ZNF793: variants seen among roughly 807,000 people sequenced by gnomAD.
ZNF793 encodes the protein zinc finger protein 793.
Under a neutral mutation model 12.4 loss-of-function variants are expected in ZNF793, and 5 were observed. The ratio of observed to expected loss-of-function variants is 0.40; its 90% CI spans 0.21 to 0.84. The LOEUF is 0.84. Ranked by LOEUF, ZNF793 falls within the 40% of genes least tolerant of loss-of-function variation. The pLI is 0.35. For synonymous variants in ZNF793, 162 were observed against 172.4 expected (o/e 0.94, Z 0.47); for missense variants, 456 against 495.0 (o/e 0.92, Z 0.75).
chr19:37,532,667 A>G (rs913040410), intron 6 of ZNF793, among the ~76,000 whole-genome samples, 185 bp downstream of exon 6: 1 of 152,042 alleles, frequency 6.6e-6, no homozygotes, highest in Non-Finnish European at 1.5e-5. Flanking sequence ...AAAAATACAA[A>G]TATTATCCAG....
At chr19:37,518,374 G>A (rs1310688635) in intron 2 of ZNF793, among the ~76,000 whole-genome samples, 4 of 152,122 alleles carry the variant, frequency 2.6e-5, no homozygotes, top group Admixed American at 6.6e-5. Flanking sequence ...TGATCTGCCC[G>A]CCTTGGCCTC....
rs955431395 is a variant in ZNF793 at position 37,538,493 on chromosome 19, C to G, written c.*614C>G. The G allele has an allele frequency of 6.6e-6, 1 of 152,216 alleles. No individual in the cohort carries two copies. The highest frequency in any genetic ancestry group is 2.4e-5 in the African/African-American group (1 of 41,434). The allele number at this position is 152,216 out of a possible 1,614,324, so 9.4% of individuals were successfully genotyped here. A position where few individuals can be genotyped will look rare whatever the true frequency, so the allele number is the denominator to read the frequency against. On this transcript the variant is annotated 3_prime_UTR_variant, in exon 8 of 8. Transcript: ENST00000627814. ...ATGGGGTTTCACCATGTTGGTCAGG[C>G]TGGTCTCTTTGGCTAGGCTGGTCTC...
chr19:37,532,304 C>T, intron 5 of ZNF793, 52 bp from the exon 6 acceptor site: 1 of 1,575,764 alleles, frequency 6.3e-7, no homozygotes, highest in Non-Finnish European at 8.6e-7. Flanking sequence ...ATGCCTGGCC[C>T]TGCACAAACA....
At chr19:37,518,552 G>A (rs1161894243) in intron 2 of ZNF793, among the ~76,000 whole-genome samples, 2 of 150,942 alleles carry the variant, frequency 1.3e-5, no homozygotes, top group South Asian at 4.2e-4. Context: ...CCAGCACTTT[G>A]GGAGGCCAGG....
In ZNF793 at chr19:37,540,631, A is replaced by T. The variant is rs946917992; in HGVS notation, c.*2752A>T. On this transcript the variant is annotated 3_prime_UTR_variant, in exon 8 of 8. Coordinates refer to ENST00000627814, the MANE Select transcript of ZNF793 (RefSeq NM_001013659.3). Reference sequence around the variant, plus strand: ...GCCATTTTTTAAAATCAGGAATTCAATATTGGCTTAGAGATTCCAGTGAAG... The same window carrying T: ...GCCATTTTTTAAAATCAGGAATTCATTATTGGCTTAGAGATTCCAGTGAAG... 1 of 151,902 alleles carries T rather than the reference A, an allele frequency of 6.6e-6. No individual in the cohort carries two copies. The highest frequency in any genetic ancestry group is 1.9e-4 in the East Asian group (1 of 5,202). 9.4% of individuals were successfully genotyped at this position (151,902 alleles called of 1,614,324 possible). A position where few individuals can be genotyped will look rare whatever the true frequency, so the allele number is the denominator to read the frequency against.
intron 5 of ZNF793, among the ~76,000 whole-genome samples, chr19:37,525,452 T>G (rs2042407694): frequency 7.7e-6 from 1 of 130,448 alleles, no homozygotes; most frequent in African/African-American, 2.9e-5. Flanking sequence ...TTTTTTTTTT[T>G]TTGAGACGGA....
Position 37,537,768 on chromosome 19 carries a change from T to C in ZNF793, c.1110T>C (p.Asn370=), listed in dbSNP as rs1482279727. 1 of 1,613,830 alleles carries C rather than the reference T, an allele frequency of 6.2e-7. No homozygotes were observed. The highest frequency in any genetic ancestry group is 1.3e-5 in the African/African-American group (1 of 74,846). ...CAGGAGAGAAGCCCTATGGGTGCAA[T>C]GAATGTGGGAAAGCTTTCTACCAGA... ...THTGEKPYGC[N]ECGKAFYQKP... The change falls in exon 8 of 8, where the codon AAT becomes AAC. Residue 370 remains asparagine, a synonymous_variant. Transcript: ENST00000627814.
intron 2 of ZNF793, among the ~76,000 whole-genome samples, chr19:37,514,650 C>T (rs546240175): frequency 6.6e-6 from 1 of 151,982 alleles, no homozygotes; most frequent in Admixed American, 6.6e-5. Flanking sequence ...TACACCATTA[C>T]CCAACCCTTT....
intron 3 of ZNF793, among the ~76,000 whole-genome samples, chr19:37,520,514 GACGTTACTCTTT>G (rs2042367074): frequency 6.6e-6 from 1 of 152,208 alleles, no homozygotes; most frequent in Non-Finnish European, 1.5e-5. Context: ...CAAACCTGAA[GACGTTACTCTTT>G]CCAGGGACTC....
intron 5 of ZNF793, among the ~76,000 whole-genome samples, chr19:37,527,235 G>A (rs2042422964): frequency 6.6e-6 from 1 of 152,038 alleles, no homozygotes; most frequent in South Asian, 2.1e-4. Flanking sequence ...TGTATTTTTA[G>A]TAGAGATGGG....
intron 7 of ZNF793, 146 bp downstream of exon 7, chr19:37,533,549 C>T (rs1009980324): frequency 3.0e-5 from 19 of 638,538 alleles, no homozygotes; most frequent in African/African-American, 1.1e-4. Flanking sequence ...GCAACCCCAC[C>T]GCCCATATCT....
In ZNF793 at chr19:37,539,491, A is replaced by C. The variant is rs1192426958; in HGVS notation, c.*1612A>C. The C allele has an allele frequency of 6.6e-6, 1 of 152,154 alleles. No individual in the cohort carries two copies. The highest frequency in any genetic ancestry group is 1.5e-5 in the Non-Finnish European group (1 of 68,010). 9.4% of individuals were successfully genotyped at this position (152,154 alleles called of 1,614,324 possible). ...TAAATCCCAAGGTTTTAATTATTTCAATGTTTGGAAAGAAGTCTGCTTCCC... is the reference window on the plus strand; with the variant it reads ...TAAATCCCAAGGTTTTAATTATTTCCATGTTTGGAAAGAAGTCTGCTTCCC... On this transcript the variant is annotated 3_prime_UTR_variant, in exon 8 of 8. Transcript: ENST00000627814.
In ZNF793 at chr19:37,537,491, C is replaced by A. The variant is rs774206700; in HGVS notation, c.833C>A (p.Thr278Asn). The A allele has an allele frequency of 6.2e-7, 1 of 1,614,068 alleles. No homozygotes were observed. The highest frequency in any genetic ancestry group is 8.5e-7 in the Non-Finnish European group (1 of 1,179,938). Residue 278 changes from threonine to asparagine, a missense_variant, in exon 8 of 8, where the codon ACT (threonine) becomes AAT (asparagine). Transcript: ENST00000627814. ...STLIKHQRIH[T>N]GVRPFECFFC... ...CTCATCAAACACCAGAGAATTCACA[C>A]TGGGGTAAGACCCTTTGAATGTTTT...
At chr19:37,515,121 A>C (rs2042320878) in intron 2 of ZNF793, among the ~76,000 whole-genome samples, 1 of 152,166 alleles carries the variant, frequency 6.6e-6, no homozygotes, top group Non-Finnish European at 1.5e-5. Context: ...CAGTGCAGTT[A>C]ATCAGGGAAT....
rs2042537070 is a variant in ZNF793, at chr19:37,539,405, C to T, written c.*1526C>T. The T allele has an allele frequency of 6.6e-6, 1 of 152,196 alleles. No homozygotes were observed. The highest frequency in any genetic ancestry group is 6.5e-5 in the Admixed American group (1 of 15,274). The allele number at this position is 152,196 out of a possible 1,614,324, so 9.4% of individuals were successfully genotyped here. On this transcript the variant is annotated 3_prime_UTR_variant, in exon 8 of 8. Transcript: ENST00000627814. ...AATTTCTTTTCTCTCTATCCCTCTGCAAATTAATTCAAGAATATTCATTTT... is the reference window on the plus strand; with the variant it reads ...AATTTCTTTTCTCTCTATCCCTCTGTAAATTAATTCAAGAATATTCATTTT...
In ZNF793 at chr19:37,532,077, G is replaced by A. The variant is rs138554382; in HGVS notation, c.16-279G>A. 5.1e-3 allele frequency among the ~76,000 whole-genome samples: 762 copies of A among 149,748 alleles called. 9 individuals carry two copies. The highest frequency in any genetic ancestry group is 0.016 in the African/African-American group (668 of 40,542). Reference sequence around the variant, plus strand: ...AGCCCAGGCTGGAGTGTAGTGGTGCGATCTCGGCTCACTGCAACCTCCGTC... The same window carrying A: ...AGCCCAGGCTGGAGTGTAGTGGTGCAATCTCGGCTCACTGCAACCTCCGTC... On this transcript the variant is annotated intron_variant, in intron 5 of 7. Transcript: ENST00000627814.
chr19:37,521,522 A>C (rs8110483), intron 3 of ZNF793, among the ~76,000 whole-genome samples: 5,041 of 134,984 alleles, frequency 0.037, 296 homozygotes, highest in African/African-American at 0.13. Context: ...TGCAGCCTCC[A>C]CCTCCCAGGT....
intron 5 of ZNF793, among the ~76,000 whole-genome samples, 151 bp downstream of exon 5, chr19:37,523,605 G>A (rs2042391444): frequency 1.3e-5 from 2 of 152,144 alleles, no homozygotes; most frequent in Admixed American, 1.3e-4. Context: ...TCTCACAGGA[G>A]GTTGATTAGG....
chr19:37,507,002 C>G (rs776353360), intron 1 of ZNF793, 36 bp downstream of exon 1: 1 of 152,290 alleles, frequency 6.6e-6, no homozygotes, highest in Non-Finnish European at 1.5e-5. Flanking sequence ...ATTTCAGATT[C>G]AGGGCGCGGA....
Sources: allele counts gnomAD v4.1 joint callset (sites outside exome capture counted in the v4.1 genomes callset), GRCh38; gene constraint gnomAD v4.1.1; transcripts MANE v1.5; gene names NCBI Gene and HGNC (gene_info 2026-07-23, HGNC 2026-07-21).